IQCK: variants seen among roughly 807,000 people sequenced by gnomAD.
IQCK encodes the protein IQ domain-containing protein K.
In IQCK, 29 loss-of-function variants were observed where a neutral mutation model predicts 28.1. The observed-to-expected ratio is 1.03, with a 90% CI of 0.77 to 1.41. The LOEUF is 1.41. Ranked by LOEUF, IQCK falls within the 40% of genes most tolerant of loss-of-function variation. IQCK has a pLI of 0.00. For missense variants in IQCK, 359 were observed against 314.7 expected, an observed-to-expected ratio of 1.14 and a Z score of -1.07; for synonymous variants, 113 against 115.1, an observed-to-expected ratio of 0.98 and a Z score of 0.12.
chr16:19,836,996 TTGTGAGGATTAAATGAACTGGAATAGTG>T (rs1225693435), intron 9 of IQCK, among the ~76,000 whole-genome samples: 1 of 152,206 alleles, frequency 6.6e-6, no homozygotes, highest in Admixed American at 6.5e-5. Flanking sequence ...CATAGAGTTT[TTGTGAGGATTAAATGAACTGGAATAGTG>T]CCTGGCCCAT....
At chr16:19,776,776 T>C (rs2055401807) in intron 6 of IQCK, among the ~76,000 whole-genome samples, 1 of 152,134 alleles carries the variant, frequency 6.6e-6, no homozygotes, top group African/African-American at 2.4e-5. Context: ...GATGAGGGTG[T>C]TTTTGTTCTT....
intron 9 of IQCK, among the ~76,000 whole-genome samples, chr16:19,834,035 C>T (rs1304019536): frequency 1.3e-5 from 2 of 152,152 alleles, no homozygotes; most frequent in East Asian, 1.9e-4. Context: ...CTGCACTGAG[C>T]GGTGACTGCA....
At chr16:19,762,902 G>T (rs1345822338) in intron 4 of IQCK, among the ~76,000 whole-genome samples, 2 of 152,098 alleles carry the variant, frequency 1.3e-5, no homozygotes, top group Non-Finnish European at 2.9e-5. Flanking sequence ...TGTAGTCTTG[G>T]GTACTGGGGA....
At chr16:19,814,098 T>C (rs771689742) in intron 7 of IQCK, among the ~76,000 whole-genome samples, 3 of 151,774 alleles carry the variant, frequency 2.0e-5, no homozygotes, top group Non-Finnish European at 4.4e-5. Flanking sequence ...CGGGTAACTG[T>C]AATCCCGGCT....
intron 1 of IQCK, among the ~76,000 whole-genome samples, chr16:19,727,587 C>CA (rs989779589): frequency 1.7e-5 from 1 of 58,902 alleles, no homozygotes; most frequent in African/African-American, 1.3e-4. Context: ...ACTTTGTCAC[C>CA]CCCCCCCCCC....
At chr16:19,832,633 G>T (rs183019316) in intron 9 of IQCK, among the ~76,000 whole-genome samples, 2 of 152,214 alleles carry the variant, frequency 1.3e-5, no homozygotes, top group East Asian at 3.9e-4. Context: ...TTCAAGGTGT[G>T]CAACATGATG....
intron 1 of IQCK, among the ~76,000 whole-genome samples, chr16:19,720,331 C>T (rs896579641): frequency 2.6e-5 from 4 of 152,212 alleles, no homozygotes; most frequent in African/African-American, 9.6e-5. Context: ...AGAATCTACT[C>T]AGATAATTTG....
rs558997770 is a variant in IQCK, at chr16:19,735,904, A to T, written c.474+454A>T. 19 of 334,076 alleles carry T rather than the reference A, an allele frequency of 5.7e-5. No individual in the cohort carries two copies. In the East Asian group the frequency reaches 7.1e-4, roughly 12 times the overall value. 20.7% of individuals were successfully genotyped at this position (334,076 alleles called of 1,614,324 possible). ...AGTGAGACCCCCATCTCTAAAAAAA[A>T]TTTTTTTTTAAATTAGCTAGGTGTG... is the stretch of plus-strand genomic sequence containing the variant. On this transcript the variant is annotated intron_variant, in intron 4 of 7. Transcript: ENST00000564186.
exon 1 of IQCK, chr16:19,718,478 A>C (rs1382527675): frequency 1.2e-6 from 2 of 1,605,528 alleles, no homozygotes; most frequent in Admixed American, 1.7e-5. Flanking sequence ...GTGGGAGCAG[A>C]TCTGCAAGGG....
chr16:19,721,055 T>G (rs116775264), intron 1 of IQCK, among the ~76,000 whole-genome samples: 2,167 of 151,450 alleles, frequency 0.014, 48 homozygotes, highest in African/African-American at 0.049. Flanking sequence ...ATTGGCAAAC[T>G]ATACACATGG....
chr16:19,774,748 C>CTGGT, intron 6 of IQCK, among the ~76,000 whole-genome samples: 1 of 152,188 alleles, frequency 6.6e-6, no homozygotes, highest in East Asian at 1.9e-4. Flanking sequence ...ATTTATGAAA[C>CTGGT]ACCTACTATG....
At chr16:19,736,287 A>C (rs997602912) in intron 4 of IQCK, 1 of 412,326 alleles carries the variant, frequency 2.4e-6, no homozygotes, top group Middle Eastern at 3.6e-4. Flanking sequence ...TTTTTGAGAC[A>C]GGGTCTTGCT....
intron 4 of IQCK, among the ~76,000 whole-genome samples, chr16:19,754,255 C>T (rs922692217): frequency 2.6e-5 from 4 of 152,144 alleles, no homozygotes; most frequent in Non-Finnish European, 2.9e-5. Flanking sequence ...TAACACAGGG[C>T]GTGCACACAG....
intron 9 of IQCK, among the ~76,000 whole-genome samples, chr16:19,844,930 TCCCTA>T (rs2056399208): frequency 1.3e-5 from 2 of 152,226 alleles, no homozygotes; most frequent in South Asian, 4.2e-4. Flanking sequence ...CACCTCAGCC[TCCCTA>T]GTAGCTGGGA....
At chr16:19,823,935 A>AAAT (rs569685592) in intron 7 of IQCK, among the ~76,000 whole-genome samples, 32 of 146,554 alleles carry the variant, frequency 2.2e-4, no homozygotes, top group Non-Finnish European at 3.3e-4. Flanking sequence ...TCCCTCTTAA[A>AAAT]AAATAAATAA....
At chr16:19,852,134 C>T (rs535467985) in intron 9 of IQCK, among the ~76,000 whole-genome samples, 4 of 152,252 alleles carry the variant, frequency 2.6e-5, no homozygotes, top group East Asian at 1.9e-4. Flanking sequence ...TAGATTCCAT[C>T]CCTCCCCTCC....
intron 4 of IQCK, among the ~76,000 whole-genome samples, chr16:19,736,977 G>A (rs1978032818): frequency 7.2e-6 from 1 of 139,754 alleles, no homozygotes; most frequent in Non-Finnish European, 1.5e-5. Flanking sequence ...GTGAGACCCG[G>A]TATTTACAAA....
intron 1 of IQCK, among the ~76,000 whole-genome samples, chr16:19,725,387 G>A (rs1379177701): frequency 6.6e-6 from 1 of 152,098 alleles, no homozygotes; most frequent in African/African-American, 2.4e-5. Flanking sequence ...TGTAGAGACA[G>A]GGTTTCACTG....
chr16:19,780,005 C>T (rs2055455389), intron 6 of IQCK, among the ~76,000 whole-genome samples: 2 of 147,012 alleles, frequency 1.4e-5, no homozygotes, highest in African/African-American at 5.1e-5. Context: ...AGGCGTGAGC[C>T]ACCGTGCCCA....
Sources: allele counts gnomAD v4.1 joint callset (sites outside exome capture counted in the v4.1 genomes callset), GRCh38; gene constraint gnomAD v4.1.1; transcripts MANE v1.5; gene names NCBI Gene and HGNC (gene_info 2026-07-23, HGNC 2026-07-21).